RUFY4: variants seen among roughly 807,000 people sequenced by gnomAD.
The protein encoded by RUFY4 is RUN and FYVE domain containing 4, also known as RUN and FYVE domain-containing protein 4.
A neutral mutation model predicts 69.0 loss-of-function variants in RUFY4; 73 were observed. The ratio of observed to expected loss-of-function variants is 1.06; its 90% CI spans 0.88 to 1.29. The LOEUF (loss-of-function observed/expected upper bound fraction) is 1.29, where lower values mean the gene tolerates loss of function less well. Among genes scored for constraint, RUFY4 ranks in the 50% most tolerant of loss-of-function variants. The pLI is 0.00. For missense variants in RUFY4, 770 were observed against 705.6 expected (o/e 1.09, Z -1.03); for synonymous variants, 287 against 271.8 (o/e 1.06, Z -0.55).
At chr2:218,079,502 G>A (rs1462985044) in intron 8 of RUFY4, among the ~76,000 whole-genome samples, 1 of 152,106 alleles carries the variant, frequency 6.6e-6, no homozygotes, top group Non-Finnish European at 1.5e-5. Context: ...TTTTGAACAC[G>A]TTACGTTTGA....
rs919293712 is a variant in RUFY4 at position 218,050,011 on chromosome 2, T to C, written c.-1157-8584T>C. 3.9e-5 allele frequency among the ~76,000 whole-genome samples: 6 copies of C among 152,176 alleles called. No individual in the cohort carries two copies. In the East Asian group the frequency reaches 9.6e-4, roughly 24 times the overall value. ...TGAAAACCCAGCTGCTAGTTCTAGA[T>C]AGAGTCCATGACTGGAGTGAGAACT... On this transcript the variant is annotated intron_variant and NMD_transcript_variant, in intron 2 of 13. Transcript: ENST00000457754.
At chr2:218,078,357 C>T (rs1376897854) in intron 8 of RUFY4, among the ~76,000 whole-genome samples, 2 of 152,154 alleles carry the variant, frequency 1.3e-5, no homozygotes, top group Non-Finnish European at 2.9e-5. Flanking sequence ...TTTGACTATT[C>T]GGTAGAATGT....
At position 218,089,376 on chromosome 2, in the gene RUFY4, C is replaced by T. The variant is rs748115708; in HGVS notation, c.1613+14C>T. Reference sequence around the variant, plus strand: ...GTATCCATGCAGGTAAAGGGAAGGGCACAGAATCCTCCCTCTGGGACAGCC... The same window carrying T: ...GTATCCATGCAGGTAAAGGGAAGGGTACAGAATCCTCCCTCTGGGACAGCC... On this transcript the variant is annotated intron_variant, in intron 10 of 10. Transcript: ENST00000344321. The T allele has an allele frequency of 3.1e-6, 5 of 1,606,476 alleles. No homozygotes were observed. The highest frequency in any genetic ancestry group is 2.2e-5 in the East Asian group (1 of 44,826).
chr2:218,080,133 G>C (rs572040033), intron 8 of RUFY4, among the ~76,000 whole-genome samples: 1 of 152,196 alleles, frequency 6.6e-6, no homozygotes, highest in Non-Finnish European at 1.5e-5. Context: ...ACGGGGTGTG[G>C]CTGAGCAGAG....
At chr2:218,051,057 T>C (rs1422476307) in intron 2 of RUFY4, among the ~76,000 whole-genome samples, 2 of 152,230 alleles carry the variant, frequency 1.3e-5, no homozygotes, top group Non-Finnish European at 2.9e-5. Context: ...TTAATTTTTG[T>C]GGAGATGAAG....
At chr2:218,047,758 T>C (rs2106029604) in intron 2 of RUFY4, among the ~76,000 whole-genome samples, 2 of 152,360 alleles carry the variant, frequency 1.3e-5, no homozygotes, top group South Asian at 4.1e-4. Flanking sequence ...CTCTAGTTCC[T>C]CTTTAATAAC....
rs1325451905 is a variant in RUFY4, at chr2:218,075,748, C to T, written c.1248+8C>T. ...CTGCAGGACGAGATCAAGGTGAGAACAGTTGAGCTCCATACCTGGTTATTT... is the reference window on the plus strand; with the variant it reads ...CTGCAGGACGAGATCAAGGTGAGAATAGTTGAGCTCCATACCTGGTTATTT... On this transcript the variant is annotated splice_region_variant and intron_variant, in intron 7 of 10. Coordinates refer to ENST00000344321, the Ensembl canonical transcript of RUFY4. 1 of 1,406,552 alleles carries T rather than the reference C, an allele frequency of 7.1e-7. No individual in the cohort carries two copies. Among genetic ancestry groups the T allele is most frequent in the Non-Finnish European group, 9.3e-7 (1 of 1,077,024 alleles). 87.1% of individuals were successfully genotyped at this position (1,406,552 alleles called of 1,614,324 possible).
chr2:218,062,636 G>A lies in RUFY4; in HGVS notation c.-1071+3955G>A, dbSNP rs1413391847. Among the ~76,000 whole-genome samples the A allele has an allele frequency of 3.9e-5, 6 of 151,974 alleles. No individual in the cohort carries two copies. In the East Asian group the frequency reaches 5.8e-4, roughly 15 times the overall value. On this transcript the variant is annotated intron_variant and NMD_transcript_variant, in intron 3 of 13. Coordinates refer to the RUFY4 transcript ENST00000457754. ...TGAGGCAGGAGAATTGCTTGAACCC[G>A]GGAGGCAGGGGTTGCAGTGAGCCGA...
intron 8 of RUFY4, among the ~76,000 whole-genome samples, chr2:218,077,899 G>T (rs1689673455): frequency 6.6e-6 from 1 of 152,192 alleles, no homozygotes; most frequent in African/African-American, 2.4e-5. Context: ...AGTCTTCAAG[G>T]GTTCAAGACA....
rs186181747 is a variant in RUFY4 at position 218,075,627 on chromosome 2, G to T, written c.1135G>T (p.Gly379Ter). ...CCTGGGGGAGCCCTGGGTCCTTCAG[G>T]GACACGCAACAAAGGAAGACTCTAC... Residue 379 changes from glycine (G) to a stop codon, truncating the protein, a stop_gained, in exon 7 of 11, where the codon GGA (glycine) becomes TGA (stop). Transcript: ENST00000344321. LOFTEE classifies it high-confidence loss of function. 2 of 1,518,732 alleles carry T rather than the reference G, an allele frequency of 1.3e-6. No individual in the cohort carries two copies. The highest frequency in any genetic ancestry group is 2.8e-5 in the African/African-American group (2 of 71,640). 94.1% of individuals were successfully genotyped at this position (1,518,732 alleles called of 1,614,324 possible).
chr2:218,064,103 G>C (rs1689264885), intron 3 of RUFY4, among the ~76,000 whole-genome samples: 1 of 152,132 alleles, frequency 6.6e-6, no homozygotes, highest in Non-Finnish European at 1.5e-5. Context: ...CAGATTCGCT[G>C]TACTTACACT....
intron 8 of RUFY4, among the ~76,000 whole-genome samples, chr2:218,079,608 C>T (rs1689714465): frequency 1.3e-5 from 2 of 152,050 alleles, no homozygotes; most frequent in Admixed American, 1.3e-4. Context: ...ATCCTGGAGT[C>T]CTCAGAGTAA....
intron 8 of RUFY4, among the ~76,000 whole-genome samples, chr2:218,079,430 A>G (rs555578647): frequency 2.0e-5 from 3 of 152,334 alleles, no homozygotes; most frequent in East Asian, 3.9e-4. Context: ...AGCTAGAGTC[A>G]CCATTAACTG....
In RUFY4 at chr2:218,043,725, G is replaced by A. The variant is rs148792889; in HGVS notation, c.-1158+8331G>A. ...CCACAAGCTCCACCTCTGGTCCACA[G>A]GACTGGCAGCCCAGCCCCCAGACTT... On this transcript the variant is annotated intron_variant and NMD_transcript_variant, in intron 2 of 13. Coordinates refer to the RUFY4 transcript ENST00000457754. Among the ~76,000 whole-genome samples the A allele has an allele frequency of 1.7e-3, 259 of 152,348 alleles. 1 individual carries two copies. Among genetic ancestry groups the A allele is most frequent in the African/African-American group, 5.8e-3 (240 of 41,576 alleles).
At chr2:218,052,840 T>TC (rs1284217355) in intron 2 of RUFY4, among the ~76,000 whole-genome samples, 1 of 151,384 alleles carries the variant, frequency 6.6e-6, no homozygotes, top group East Asian at 1.9e-4. Flanking sequence ...GGTCTAAGGT[T>TC]TTTTTTTTCT....
Position 218,089,766 on chromosome 2 carries a change from C to G in RUFY4, c.1614-186C>G, listed in dbSNP as rs1286293366. The G allele has an allele frequency of 2.3e-5, 16 of 706,566 alleles. No individual in the cohort carries two copies. The East Asian group carries it at 4.0e-4, about 18-fold the overall frequency. The allele number at this position is 706,566 out of a possible 1,614,324, so 43.8% of individuals were successfully genotyped here. Reference sequence around the variant, plus strand: ...GTGGAGGTGGAGGCTCTGGAGGGGTCGGGCATCAGGACACCCTTCAGGAGA... The same window carrying G: ...GTGGAGGTGGAGGCTCTGGAGGGGTGGGGCATCAGGACACCCTTCAGGAGA... On this transcript the variant is annotated intron_variant, in intron 10 of 10. Transcript: ENST00000344321.
rs184111005 is a variant in RUFY4, at chr2:218,073,311, A to G, written c.455A>G (p.Tyr152Cys). The G allele has an allele frequency of 6.4e-6, 10 of 1,565,802 alleles. No individual in the cohort carries two copies. The East Asian group carries it at 1.2e-4, about 19-fold the overall frequency. The change falls in exon 5 of 11, where the codon TAT becomes TGT. Residue 152 changes from tyrosine (Y) to cysteine (C), a missense_variant. By Grantham distance (194) the Tyr-to-Cys change is radical. Coordinates refer to ENST00000344321, the Ensembl canonical transcript of RUFY4. ...CAAGAAGACATCCTGGACTCTCTCT[A>G]TGCTCTCAATGGGGTGGCCTTCGAG...
intron 4 of RUFY4, 132 bp from the exon 7 acceptor site, chr2:218,073,111 C>T (rs753852679): frequency 8.2e-5 from 102 of 1,246,010 alleles, no homozygotes; most frequent in Non-Finnish European, 9.9e-5. Flanking sequence ...CACAACTCTG[C>T]CTGGGGAACA....
upstream of RUFY4, among the ~76,000 whole-genome samples, chr2:218,069,862 T>C (rs923283765): frequency 3.3e-5 from 5 of 152,088 alleles, no homozygotes; most frequent in African/African-American, 7.2e-5. Flanking sequence ...TGTCCCTCTC[T>C]GGGCCCCAGG....
Sources: allele counts gnomAD v4.1 joint callset (sites outside exome capture counted in the v4.1 genomes callset), GRCh38; gene constraint gnomAD v4.1.1; transcripts MANE v1.5; gene names NCBI Gene and HGNC (gene_info 2026-07-23, HGNC 2026-07-21).